The following DCLK3 variants were observed in gnomAD, a reference collection of about 807,000 sequenced individuals.
DCLK3 encodes the protein doublecortin like kinase 3.
Under a neutral mutation model 46.4 loss-of-function variants are expected in DCLK3, and 30 were observed. The ratio of observed to expected loss-of-function variants is 0.65; its 90% CI spans 0.48 to 0.88. The LOEUF (loss-of-function observed/expected upper bound fraction) is 0.88. Ranked by LOEUF, DCLK3 falls within the 40% of genes least tolerant of loss-of-function variation. DCLK3 has a pLI of 0.00. For missense variants in DCLK3, 846 were observed against 907.1 expected, an observed-to-expected ratio of 0.93 and a Z score of 0.87; for synonymous variants, 401 against 339.2, an observed-to-expected ratio of 1.18 and a Z score of -2.00.
intron 1 of DCLK3, among the ~76,000 whole-genome samples, chr3:36,758,364 C>A (rs541727968): frequency 1.3e-5 from 2 of 152,142 alleles, no homozygotes; most frequent in South Asian, 4.2e-4. Flanking sequence ...CTGAATATCC[C>A]GGAAAATTCA....
rs200762376 is a variant in DCLK3, at chr3:36,738,200, G to A, written c.967C>T (p.Arg323Cys). ...RERELQQSLE[R>C]ERLSLGTSEL... The stretch of plus-strand genomic sequence containing the variant: ...CTGGTCCCCAGAGAAAGCCTCTCAC[G>A]CTCCAGGCTCTGCTGGAGCTCCCTC... Residue 323 changes from arginine (R) to cysteine (C), a missense_variant, in exon 2 of 5, where the codon CGT becomes TGT. Arg to Cys is a radical substitution (Grantham distance 180). Transcript: ENST00000636136. The A allele has an allele frequency of 1.3e-4, 212 of 1,611,586 alleles. 1 individual carries two copies. The highest frequency in any genetic ancestry group is 1.5e-4 in the Non-Finnish European group (181 of 1,179,382).
At chr3:36,762,610 C>T (rs1701549556) in intron 1 of DCLK3, among the ~76,000 whole-genome samples, 1 of 152,096 alleles carries the variant, frequency 6.6e-6, no homozygotes, top group Non-Finnish European at 1.5e-5. Flanking sequence ...GGAGGGGCTG[C>T]CCCAGGGGAG....
chr3:36,751,284 T>C (rs1271605237), intron 1 of DCLK3, among the ~76,000 whole-genome samples: 1 of 152,124 alleles, frequency 6.6e-6, no homozygotes, highest in Admixed American at 6.5e-5. Context: ...GCAGTGGCCC[T>C]AATACCCACC....
intron 3 of DCLK3, among the ~76,000 whole-genome samples, chr3:36,719,371 T>A (rs890258021): frequency 3.3e-5 from 5 of 152,206 alleles, no homozygotes; most frequent in Non-Finnish European, 7.3e-5. Context: ...AGTAAGTTTG[T>A]CAAAATACAA....
intron 1 of DCLK3, among the ~76,000 whole-genome samples, chr3:36,747,447 T>C (rs968400592): frequency 7.3e-5 from 11 of 151,658 alleles, no homozygotes; most frequent in Non-Finnish European, 1.0e-4. Context: ...GGTATATATA[T>C]ATATTTCTCA....
rs867206402 is a variant in DCLK3 at position 36,738,460 on chromosome 3, G to A, written c.707C>T (p.Ala236Val). Residue 236 changes from alanine to valine, a missense_variant, in exon 2 of 5, where the codon GCA (alanine) becomes GTA (valine). Ala to Val is a moderately conservative substitution (Grantham distance 64). Coordinates refer to ENST00000636136, the MANE Select transcript of DCLK3 (RefSeq NM_001394672.2). ...GTGCCTCATGGCTGCCTTGCATCCT[G>A]CAACTTCGCTGCAGCTCTTGGGGGT... ...TETPKSCSEV[A>V]GCKAAMRHQG... 1 of 1,470,708 alleles carries A rather than the reference G, an allele frequency of 6.8e-7. No individual in the cohort carries two copies. Among genetic ancestry groups the A allele is most frequent in the South Asian group, 1.5e-5 (1 of 66,374 alleles). The allele number at this position is 1,470,708 out of a possible 1,614,324, so 91.1% of individuals were successfully genotyped here. A position where few individuals can be genotyped will look rare whatever the true frequency, so the allele number is the denominator to read the frequency against.
Position 36,739,075 on chromosome 3 carries a change from C to T in DCLK3, c.92G>A (p.Gly31Asp). 1 of 398,586 alleles carries T rather than the reference C, an allele frequency of 2.5e-6. No individual in the cohort carries two copies. Among genetic ancestry groups the T allele is most frequent in the Non-Finnish European group, 4.4e-6 (1 of 226,072 alleles). The allele number at this position is 398,586 out of a possible 1,614,324, so 24.7% of individuals were successfully genotyped here. ...CPARPAPGQQ[G>D]LCDHSLKYLS... ...ATATTTTAGAGAATGGTCACATAGG[C>T]CTTGCTGTCCTGCAACAAGAAAAGG... The change falls in exon 2 of 5, where the codon GGC becomes GAC. Residue 31 changes from glycine to aspartate, a missense_variant. Around this residue, in one of 3 missense-constraint regions of DCLK3, gnomAD observed 553 missense variants for 543.0 expected, o/e 1.02. Coordinates refer to ENST00000636136, the MANE Select transcript of DCLK3 (RefSeq NM_001394672.2).
intron 4 of DCLK3, among the ~76,000 whole-genome samples, chr3:36,717,143 A>G (rs1189198250): frequency 2.0e-5 from 3 of 152,218 alleles, no homozygotes; most frequent in Non-Finnish European, 4.4e-5. Context: ...ATTTTGAACC[A>G]GGGTCTCTGT....
At chr3:36,727,724 G>A (rs1456548181) in intron 2 of DCLK3, among the ~76,000 whole-genome samples, 2 of 152,184 alleles carry the variant, frequency 1.3e-5, no homozygotes, top group East Asian at 1.9e-4. Context: ...CAGATGGCCC[G>A]ATGTTTTTAA....
At chr3:36,741,709 C>T (rs1249731268) in intron 1 of DCLK3, among the ~76,000 whole-genome samples, 1 of 152,108 alleles carries the variant, frequency 6.6e-6, no homozygotes, top group Non-Finnish European at 1.5e-5. Context: ...GAAGGTAAGA[C>T]TCAATGTGGA....
At chr3:36,734,597 C>A (rs1701237843) in intron 2 of DCLK3, among the ~76,000 whole-genome samples, 1 of 151,808 alleles carries the variant, frequency 6.6e-6, no homozygotes. Context: ...TCTTCAAAAT[C>A]ACAAAAAAGA....
chr3:36,724,133 A>T (rs1338006837), intron 2 of DCLK3, among the ~76,000 whole-genome samples: 1 of 152,196 alleles, frequency 6.6e-6, no homozygotes, highest in Non-Finnish European at 1.5e-5. Context: ...TTGGAGCTTT[A>T]AGATTTGACT....
intron 3 of DCLK3, among the ~76,000 whole-genome samples, chr3:36,719,998 A>G (rs971680935): frequency 1.3e-5 from 2 of 152,152 alleles, no homozygotes; most frequent in Non-Finnish European, 2.9e-5. Flanking sequence ...TACCCAACTG[A>G]TACGGTTTGG....
chr3:36,717,893 T>A lies in DCLK3; in HGVS notation c.2260+117A>T, dbSNP rs977456558. The A allele has an allele frequency of 7.5e-6, 10 of 1,339,494 alleles. No homozygotes were observed. The East Asian group carries it at 2.1e-4, about 28-fold the overall frequency. 83.0% of individuals were successfully genotyped at this position (1,339,494 alleles called of 1,614,324 possible). ...ATGAAGCTACTGAGGAAGTAAAGGC[T>A]GAGACATGACATGTTGACAGTCCAA... is the stretch of plus-strand genomic sequence containing the variant. On this transcript the variant is annotated intron_variant, in intron 4 of 4. Coordinates refer to ENST00000636136, the MANE Select transcript of DCLK3 (RefSeq NM_001394672.2).
chr3:36,725,170 A>G (rs1575136617), intron 2 of DCLK3, among the ~76,000 whole-genome samples: 1 of 152,094 alleles, frequency 6.6e-6, no homozygotes, highest in Non-Finnish European at 1.5e-5. Flanking sequence ...AAAATTAGCC[A>G]GCCTGATGGC....
At position 36,723,708 on chromosome 3, in the gene DCLK3, A is replaced by G. The variant is rs146119444; in HGVS notation, c.1960-2049T>C. On this transcript the variant is annotated intron_variant, in intron 2 of 4. Transcript: ENST00000636136. ...GGTAGTGAGCCTGCCATTGCACAGA[A>G]GTCAAGAATTGGGGTTTAGGAACCT... is the stretch of plus-strand genomic sequence containing the variant. 1.8e-3 allele frequency among the ~76,000 whole-genome samples: 267 copies of G among 152,326 alleles called. 1 individual carries two copies. The highest frequency in any genetic ancestry group is 6.3e-3 in the African/African-American group (263 of 41,574).
chr3:36,715,819 G>A (rs1418269438), intron 4 of DCLK3, among the ~76,000 whole-genome samples: 1 of 152,202 alleles, frequency 6.6e-6, no homozygotes, highest in Non-Finnish European at 1.5e-5. Flanking sequence ...TGGCAGCAGG[G>A]AGGGGGGTTA....
chr3:36,715,645 A>G (rs1700969306), intron 4 of DCLK3, 124 bp from the exon 5 acceptor site: 4 of 1,035,364 alleles, frequency 3.9e-6, no homozygotes, highest in Non-Finnish European at 5.4e-6. Flanking sequence ...AGCCTCCTTC[A>G]TATTCTAGAG....
At chr3:36,748,005 G>A (rs1272717014) in intron 1 of DCLK3, among the ~76,000 whole-genome samples, 1 of 152,178 alleles carries the variant, frequency 6.6e-6, no homozygotes, top group East Asian at 1.9e-4. Context: ...CCCTCAGTGG[G>A]GGTGAGGGGA....
Sources: allele counts gnomAD v4.1 joint callset (sites outside exome capture counted in the v4.1 genomes callset), GRCh38; gene constraint gnomAD v4.1.1; regional missense constraint gnomAD v4.1.1; transcripts MANE v1.5; gene names NCBI Gene and HGNC (gene_info 2026-07-23, HGNC 2026-07-21).